The following NOSTRIN variants were observed in gnomAD, a reference collection of about 807,000 sequenced individuals.
NOSTRIN encodes BM247 homolog.
A neutral mutation model predicts 59.0 loss-of-function variants in NOSTRIN; 63 were observed. That is an observed-to-expected ratio of 1.07 (90% CI 0.87 to 1.32). The LOEUF (loss-of-function observed/expected upper bound fraction) is 1.32. Among genes scored for constraint, NOSTRIN ranks in the 40% most tolerant of loss-of-function variants. The pLI is 0.00. For synonymous variants in NOSTRIN, 200 were observed against 165.4 expected, an observed-to-expected ratio of 1.21 and a Z score of -1.61; for missense variants, 512 against 473.1, an observed-to-expected ratio of 1.08 and a Z score of -0.76.
chr2:168,833,224 C>T (rs750695017), intron 6 of NOSTRIN, among the ~76,000 whole-genome samples: 10 of 152,192 alleles, frequency 6.6e-5, no homozygotes, highest in Non-Finnish European at 1.2e-4. Flanking sequence ...ATTTGGGAGA[C>T]TCTAATGAAA....
intron 2 of NOSTRIN, among the ~76,000 whole-genome samples, chr2:168,813,475 C>T (rs1306162638): frequency 6.6e-6 from 1 of 152,090 alleles, no homozygotes; most frequent in Admixed American, 6.6e-5. Context: ...CATATCCCCA[C>T]CTTGCCACCG....
At chr2:168,808,411 C>T (rs1483821296) in intron 1 of NOSTRIN, among the ~76,000 whole-genome samples, 3 of 152,128 alleles carry the variant, frequency 2.0e-5, no homozygotes, top group Admixed American at 2.0e-4. Flanking sequence ...ACTCTAAATC[C>T]CTCGAATCCA....
intron 8 of NOSTRIN, among the ~76,000 whole-genome samples, chr2:168,846,036 G>A (rs1231782067): frequency 2.0e-5 from 3 of 152,050 alleles, no homozygotes; most frequent in African/African-American, 7.2e-5. Flanking sequence ...AACGTGAGAC[G>A]ACTTCTGTCC....
chr2:168,838,331 C>A (rs1687859882), intron 7 of NOSTRIN, among the ~76,000 whole-genome samples: 1 of 152,214 alleles, frequency 6.6e-6, no homozygotes. Flanking sequence ...CCTCTGCCTT[C>A]CAGTTTCAAG....
At chr2:168,845,111 C>T (rs1688335467) in intron 8 of NOSTRIN, among the ~76,000 whole-genome samples, 1 of 152,130 alleles carries the variant, frequency 6.6e-6, no homozygotes, top group East Asian at 1.9e-4. Context: ...TAATTTACAC[C>T]TTTGAACATA....
upstream of NOSTRIN, among the ~76,000 whole-genome samples, chr2:168,794,386 C>G (rs1310286926): frequency 6.7e-6 from 1 of 148,458 alleles, no homozygotes; most frequent in Non-Finnish European, 1.5e-5. Flanking sequence ...GAGTCTCGCT[C>G]TGTTGCCCAG....
intron 15 of NOSTRIN, among the ~76,000 whole-genome samples, chr2:168,862,468 G>T (rs1046796000): frequency 2.6e-5 from 4 of 152,350 alleles, no homozygotes; most frequent in Non-Finnish European, 4.4e-5. Flanking sequence ...AAAGTGATTA[G>T]AGATGTACCC....
upstream of NOSTRIN, among the ~76,000 whole-genome samples, chr2:168,796,370 C>G (rs1652484345): frequency 6.6e-6 from 1 of 152,204 alleles, no homozygotes; most frequent in Admixed American, 6.5e-5. Context: ...CTAGCTGCTC[C>G]CACCTGACCC....
At chr2:168,793,129 A>G (rs976977609) in intron 2 of NOSTRIN, among the ~76,000 whole-genome samples, 3 of 152,086 alleles carry the variant, frequency 2.0e-5, no homozygotes, top group Non-Finnish European at 4.4e-5. Context: ...ACTTATCCTT[A>G]ATCCAGTCCA....
rs144356484 is a variant in NOSTRIN at position 168,807,517 on chromosome 2, G to A, written c.28-4050G>A. Among the ~76,000 whole-genome samples the A allele has an allele frequency of 5.4e-3, 826 of 152,244 alleles. 2 individuals carry two copies. The highest frequency in any genetic ancestry group is 9.4e-3 in the Non-Finnish European group (641 of 68,012). On this transcript the variant is annotated intron_variant, in intron 1 of 15. Transcript: ENST00000317647. ...AAGGTTTGTTGGGGGAATTTTTGGC[G>A]TATAGTATATAGGATCAAGGGTAAA...
At chr2:168,839,031 C>T (rs923850167) in intron 7 of NOSTRIN, among the ~76,000 whole-genome samples, 3 of 151,954 alleles carry the variant, frequency 2.0e-5, no homozygotes, top group Non-Finnish European at 4.4e-5. Flanking sequence ...GTGATCTGCC[C>T]GACTTGGCCT....
At chr2:168,789,861 G>A (rs142195031) in intron 2 of NOSTRIN, among the ~76,000 whole-genome samples, 36 of 152,260 alleles carry the variant, frequency 2.4e-4, no homozygotes, top group Admixed American at 5.9e-4. Flanking sequence ...AGCTCTGAGC[G>A]TATTTTCTGA....
chr2:168,800,832 G>T (rs1451476714), upstream of NOSTRIN, among the ~76,000 whole-genome samples: 1 of 151,458 alleles, frequency 6.6e-6, no homozygotes. Context: ...AATCTCTGAG[G>T]GCAGAGAAGC....
chr2:168,798,691 A>T (rs761423516), upstream of NOSTRIN, among the ~76,000 whole-genome samples: 30 of 152,164 alleles, frequency 2.0e-4, no homozygotes, highest in Non-Finnish European at 3.5e-4. Context: ...GCGGGTCAGA[A>T]ATGTAGGACC....
chr2:168,821,814 T>G (rs1003915707), intron 2 of NOSTRIN, among the ~76,000 whole-genome samples: 1 of 151,872 alleles, frequency 6.6e-6, no homozygotes, highest in African/African-American at 2.4e-5. Context: ...TGAATAGGAG[T>G]AGAATCAGCC....
At chr2:168,799,129 T>A (rs111883175), upstream of NOSTRIN, among the ~76,000 whole-genome samples, 491 of 152,304 alleles carry the variant, frequency 3.2e-3, 3 homozygotes, top group Non-Finnish European at 3.2e-3. Flanking sequence ...AGGAGCTTCC[T>A]CTTCCTCTTC....
At chr2:168,839,923 G>A (rs56736605) in intron 7 of NOSTRIN, among the ~76,000 whole-genome samples, 5,161 of 88,508 alleles carry the variant, frequency 0.058, 144 homozygotes, top group African/African-American at 0.068. Flanking sequence ...ATATATATAT[G>A]TGTGTGTGTG....
rs541060772 is a variant in NOSTRIN, at chr2:168,865,059, G to A, written c.*89G>A. The A allele has an allele frequency of 1.8e-4, 256 of 1,432,160 alleles. No homozygotes were observed. Among genetic ancestry groups the A allele is most frequent in the Non-Finnish European group, 2.4e-4 (249 of 1,052,014 alleles). The allele number at this position is 1,432,160 out of a possible 1,614,324, so 88.7% of individuals were successfully genotyped here. ...GAATAAAGTGCTCTTACCTTTACAT[G>A]TTTTTCTTTTGAAATGGATGGAGTT... On this transcript the variant is annotated 3_prime_UTR_variant, in exon 16 of 16. Coordinates refer to ENST00000317647, the MANE Select transcript of NOSTRIN (RefSeq NM_001039724.4).
At chr2:168,790,582 G>A (rs140902897) in intron 2 of NOSTRIN, among the ~76,000 whole-genome samples, 516 of 152,322 alleles carry the variant, frequency 3.4e-3, no homozygotes, top group African/African-American at 0.011. Context: ...ATTGAAGGAC[G>A]TTACATAAAA....
Sources: gnomAD v4.1 joint callset for allele counts (sites outside exome capture counted in the v4.1 genomes callset) on GRCh38, gnomAD v4.1.1 for gene constraint, MANE v1.5 for transcripts, NCBI Gene and HGNC (gene_info 2026-07-23, HGNC 2026-07-21) for gene names.